The following PRR16 variants were observed in gnomAD, a reference collection of about 807,000 sequenced individuals.
PRR16 encodes protein Largen.
In PRR16, 6 loss-of-function variants were observed where a neutral mutation model predicts 18.2. The ratio of observed to expected loss-of-function variants is 0.33; its 90% CI spans 0.18 to 0.65. PRR16 has a LOEUF of 0.65. Ranked by LOEUF, PRR16 falls within the 30% of genes least tolerant of loss-of-function variation. The pLI is 0.74. For missense variants in PRR16, 412 were observed against 376.6 expected, an observed-to-expected ratio of 1.09 and a Z score of -0.78; for synonymous variants, 151 against 147.8, an observed-to-expected ratio of 1.02 and a Z score of -0.16.
chr5:120,575,391 G>GA (rs1282609713), intron 1 of PRR16, among the ~76,000 whole-genome samples: 1 of 144,250 alleles, frequency 6.9e-6, no homozygotes, highest in Non-Finnish European at 1.5e-5. Context: ...GAACATAGAT[G>GA]AAAAAAATCC....
intron 1 of PRR16, among the ~76,000 whole-genome samples, chr5:120,590,031 G>A (rs1454163705): frequency 2.6e-5 from 4 of 152,070 alleles, no homozygotes; most frequent in African/African-American, 9.7e-5. Flanking sequence ...TTTATTTGAT[G>A]TACTTATTAG....
At chr5:120,661,123 G>C (rs143211516) in intron 1 of PRR16, among the ~76,000 whole-genome samples, 1 of 152,166 alleles carries the variant, frequency 6.6e-6, no homozygotes, top group African/African-American at 2.4e-5. Context: ...ATCATAGCTT[G>C]TCCTTTCATG....
At chr5:120,775,477 C>T in the PRR16 span, among the ~76,000 whole-genome samples, 2 of 152,112 alleles carry the variant, frequency 1.3e-5, no homozygotes, top group African/African-American at 4.8e-5. Flanking sequence ...GCCATTTTCT[C>T]AGTTCAATAT....
In PRR16 at chr5:120,618,414, T is replaced by C. The variant is rs1022120424; in HGVS notation, c.160-67540T>C. The stretch of plus-strand genomic sequence containing the variant: ...AAGTAAACTATTTTTAGTTTTGAGA[T>C]TATAGTAATTATACTGTTTTTTAAC... On this transcript the variant is annotated intron_variant, in intron 1 of 1. Transcript: ENST00000407149. The C allele has an allele frequency of 3.3e-6, 3 of 918,426 alleles. No homozygotes were observed. The African/African-American group carries it at 5.4e-5, about 16-fold the overall frequency. The allele number at this position is 918,426 out of a possible 1,614,324, so 56.9% of individuals were successfully genotyped here.
chr5:120,553,143 T>TA (rs900109992), intron 1 of PRR16, among the ~76,000 whole-genome samples: 18 of 150,920 alleles, frequency 1.2e-4, no homozygotes, highest in East Asian at 5.8e-4. Context: ...TTTGAGGATA[T>TA]AAAAAAAAAG....
At chr5:120,505,884 A>G (rs1172797265) in intron 1 of PRR16, among the ~76,000 whole-genome samples, 2 of 151,292 alleles carry the variant, frequency 1.3e-5, no homozygotes, top group African/African-American at 4.8e-5. Context: ...ACATATGTGT[A>G]TGAGTAATAT....
chr5:120,753,840 A>T, the PRR16 span, among the ~76,000 whole-genome samples: 2 of 125,852 alleles, frequency 1.6e-5, no homozygotes, highest in African/African-American at 3.0e-5. Flanking sequence ...AATATATATA[A>T]CTTATATATT....
chr5:120,546,084 T>C (rs930155422), intron 1 of PRR16, among the ~76,000 whole-genome samples: 3 of 152,082 alleles, frequency 2.0e-5, no homozygotes, highest in African/African-American at 7.2e-5. Flanking sequence ...TTTATCACTT[T>C]CATTTTACTA....
At chr5:120,732,144 A>G in the PRR16 span, among the ~76,000 whole-genome samples, 2 of 152,240 alleles carry the variant, frequency 1.3e-5, no homozygotes, top group African/African-American at 4.8e-5. Flanking sequence ...TACAGCTCAT[A>G]GTGTTCAGCA....
At chr5:120,690,276 A>C (rs1757193373), downstream of PRR16, among the ~76,000 whole-genome samples, 1 of 152,172 alleles carries the variant, frequency 6.6e-6, no homozygotes, top group African/African-American at 2.4e-5. Context: ...CTGTGAAGAA[A>C]ATCTGCGTAG....
chr5:120,540,458 C>G (rs1029893936), intron 1 of PRR16, among the ~76,000 whole-genome samples: 2 of 152,206 alleles, frequency 1.3e-5, no homozygotes, highest in Non-Finnish European at 2.9e-5. Context: ...GGCCGGGCCT[C>G]TCTTAACCAG....
chr5:120,568,093 A>G (rs552998149), intron 1 of PRR16, among the ~76,000 whole-genome samples: 1 of 152,332 alleles, frequency 6.6e-6, no homozygotes, highest in Admixed American at 6.5e-5. Flanking sequence ...TACAAGATTT[A>G]TGTGATGATA....
chr5:120,594,735 GCATGGTAC>G (rs1266185837), intron 1 of PRR16, among the ~76,000 whole-genome samples: 3 of 151,964 alleles, frequency 2.0e-5, no homozygotes, highest in Non-Finnish European at 4.4e-5. Flanking sequence ...AGCCAAAACA[GCATGGTAC>G]TTGTACAAAC....
At chr5:120,643,765 G>A (rs1755500999) in intron 1 of PRR16, among the ~76,000 whole-genome samples, 1 of 152,074 alleles carries the variant, frequency 6.6e-6, no homozygotes, top group South Asian at 2.1e-4. Flanking sequence ...AGCACTTTGG[G>A]AGGCCGAGGT....
chr5:120,735,269 A>G, the PRR16 span, among the ~76,000 whole-genome samples: 1 of 152,186 alleles, frequency 6.6e-6, no homozygotes, highest in East Asian at 1.9e-4. Flanking sequence ...CTGTAGGCGG[A>G]CATGTGTGTT....
At chr5:120,757,635 C>T in the PRR16 span, among the ~76,000 whole-genome samples, 3 of 151,892 alleles carry the variant, frequency 2.0e-5, no homozygotes, top group Non-Finnish European at 2.9e-5. Context: ...TACTCCTTGA[C>T]ACAAATATTT....
the PRR16 span, among the ~76,000 whole-genome samples, chr5:120,768,513 T>A: frequency 4.6e-5 from 7 of 151,728 alleles, no homozygotes; most frequent in African/African-American, 1.7e-4. Flanking sequence ...TTATAGAAGC[T>A]GGTGTGAATA....
At chr5:120,639,304 G>A (rs1359010776) in intron 1 of PRR16, among the ~76,000 whole-genome samples, 3 of 151,948 alleles carry the variant, frequency 2.0e-5, no homozygotes, top group African/African-American at 7.2e-5. Flanking sequence ...ACTTTAAGAA[G>A]ATCATAAAAA....
At chr5:120,729,440 G>C in the PRR16 span, among the ~76,000 whole-genome samples, 8 of 152,102 alleles carry the variant, frequency 5.3e-5, no homozygotes, top group East Asian at 1.5e-3. Context: ...CTAGCCTTGT[G>C]ATTGACAACT....
Sources: gnomAD v4.1 joint callset for allele counts (sites outside exome capture counted in the v4.1 genomes callset) on GRCh38, gnomAD v4.1.1 for gene constraint, MANE v1.5 for transcripts, NCBI Gene and HGNC (gene_info 2026-07-23, HGNC 2026-07-21) for gene names.